TNRC6A: variants seen among roughly 807,000 people sequenced by gnomAD.
TNRC6A encodes the protein trinucleotide repeat containing adaptor 6A, also known as trinucleotide repeat-containing gene 6A protein.
In TNRC6A, 44 loss-of-function variants were observed where a neutral mutation model predicts 221.2. The observed-to-expected ratio is 0.20, with a 90% CI of 0.16 to 0.26. TNRC6A has a LOEUF of 0.26. TNRC6A is among the 10% of genes least tolerant of loss of function. The pLI is 1.00. For missense variants in TNRC6A, 2,199 were observed against 2,404.4 expected (o/e 0.91, Z 1.79); for synonymous variants, 847 against 838.5 (o/e 1.01, Z -0.18).
intron 5 of TNRC6A, among the ~76,000 whole-genome samples, chr16:24,786,970 G>A (rs6497756): frequency 1.3e-5 from 2 of 151,922 alleles, no homozygotes; most frequent in Non-Finnish European, 1.5e-5. Flanking sequence ...CATAAGCCAC[G>A]GCGCCCGGCC....
At chr16:24,631,040 C>T (rs1162023003) in intron 1 of TNRC6A, among the ~76,000 whole-genome samples, 2 of 151,824 alleles carry the variant, frequency 1.3e-5, no homozygotes, top group Admixed American at 6.6e-5. Context: ...AAAAAGGGAC[C>T]AGCCCTCCCT....
At position 24,824,979 on chromosome 16, in the gene TNRC6A, A is replaced by G. The variant is rs1292606364; in HGVS notation, c.*1172A>G. ...AGTGATGATGGTTTGCTAATAATCA[A>G]TAGGTAATAATTTTTTGTAATCCCA... On this transcript the variant is annotated 3_prime_UTR_variant, in exon 25 of 25. Coordinates refer to ENST00000395799, the MANE Select transcript of TNRC6A (RefSeq NM_014494.4). 6.6e-6 allele frequency: 1 copy of G among 152,628 alleles called. No individual in the cohort carries two copies. The highest frequency in any genetic ancestry group is 1.9e-4 in the East Asian group (1 of 5,200). The allele number at this position is 152,628 out of a possible 1,614,324, so 9.5% of individuals were successfully genotyped here. A position where few individuals can be genotyped will look rare whatever the true frequency, so the allele number is the denominator to read the frequency against.
chr16:24,734,998 C>T (rs1235757983), intron 2 of TNRC6A, among the ~76,000 whole-genome samples: 1 of 152,168 alleles, frequency 6.6e-6, no homozygotes, highest in African/African-American at 2.4e-5. Flanking sequence ...ATGACTAGGA[C>T]TGGCCAGGTG....
In TNRC6A at chr16:24,714,302, C is replaced by CTTTTT. The variant is rs60469088; in HGVS notation, n.403-36404_403-36400dup. Among the ~76,000 whole-genome samples, 118 of 71,300 alleles carry CTTTTT rather than the reference C, an allele frequency of 1.7e-3. 4 individuals are homozygous for CTTTTT. The highest frequency in any genetic ancestry group is 2.2e-3 in the East Asian group (4 of 1,816). 46.8% of individuals were successfully genotyped at this position (71,300 alleles called of 152,430 possible). ...CTGCAGTGCCTGATTTGCTGTTAATCTTTTTTTTTTTTTTTTTTTTTTTTG... is the reference window on the plus strand; with the variant it reads ...CTGCAGTGCCTGATTTGCTGTTAATCTTTTTTTTTTTTTTTTTTTTTTTTTTTTTG... On this transcript the variant is annotated intron_variant and non_coding_transcript_variant, in intron 2 of 2. Coordinates refer to the TNRC6A transcript ENST00000566108.
rs866115671 is a variant in TNRC6A, at chr16:24,822,942, C to T, written c.5442C>T (p.Leu1814=). Residue 1814 remains leucine (L), a synonymous_variant, in exon 24 of 25, where the codon CTC becomes CTT. Transcript: ENST00000395799. ...HGPLITFHLN[L]PHGNALVRYS... ...CGCTGATCACATTCCACCTGAACCT[C>T]CCTCACGGAAATGCTCTGGTCCGCT... The T allele has an allele frequency of 6.2e-7, 1 of 1,614,242 alleles. No individual in the cohort carries two copies. The highest frequency in any genetic ancestry group is 1.7e-4 in the Middle Eastern group (1 of 6,056).
chr16:24,639,797 C>A (rs946692880), intron 1 of TNRC6A, among the ~76,000 whole-genome samples: 3 of 152,110 alleles, frequency 2.0e-5, no homozygotes, highest in Non-Finnish European at 2.9e-5. Flanking sequence ...CAGACATGCA[C>A]CACCACATTT....
chr16:24,683,386 C>T (rs116701071), intron 2 of TNRC6A, among the ~76,000 whole-genome samples: 1,969 of 152,148 alleles, frequency 0.013, 48 homozygotes, highest in African/African-American at 0.043. Context: ...TTTGTAGAGA[C>T]GGAGTCTTGC....
intron 2 of TNRC6A, among the ~76,000 whole-genome samples, chr16:24,681,289 G>A (rs1289095568): frequency 6.6e-6 from 1 of 152,060 alleles, no homozygotes; most frequent in Non-Finnish European, 1.5e-5. Flanking sequence ...GAGCAGTGGC[G>A]TGATCTCGGC....
chr16:24,823,030 G>A lies in TNRC6A; in HGVS notation c.5513+17G>A, dbSNP rs2058798057. On this transcript the variant is annotated intron_variant, in intron 24 of 24. Coordinates refer to ENST00000395799, the MANE Select transcript of TNRC6A (RefSeq NM_014494.4). This position sits in a 1 kb window ranked among gnomAD's most constrained non-coding sequence, Gnocchi z 4.3. ...TCTGCACATGTAAGTTGGCTGTTGG[G>A]CTCCCAGTTGGAAGAGTCTAGGGGA... 1.2e-6 allele frequency: 2 copies of A among 1,614,032 alleles called. No homozygotes were observed. Among genetic ancestry groups the A allele is most frequent in the South Asian group, 2.2e-5 (2 of 91,082 alleles).
chr16:24,811,705 T>G (rs1341765881), intron 18 of TNRC6A, among the ~76,000 whole-genome samples: 9 of 151,630 alleles, frequency 5.9e-5, no homozygotes, highest in Admixed American at 1.3e-4. Flanking sequence ...AGAATTGGAG[T>G]AGATCTAGTA....
chr16:24,731,245 T>G (rs1190778093), intron 2 of TNRC6A, among the ~76,000 whole-genome samples: 1 of 152,176 alleles, frequency 6.6e-6, no homozygotes, highest in East Asian at 1.9e-4. Flanking sequence ...ATTTCTCCTA[T>G]CTCAGGTTTT....
chr16:24,791,341 A>C lies in TNRC6A; in HGVS notation c.2699A>C (p.Asn900Thr), dbSNP rs1339371097. The change falls in exon 6 of 25, where the codon AAC (asparagine) becomes ACC (threonine). Residue 900 changes from asparagine to threonine, a missense_variant. Physicochemically the swap from Asn to Thr is moderately conservative, Grantham distance 65. Coordinates refer to ENST00000395799, the MANE Select transcript of TNRC6A (RefSeq NM_014494.4). Reference protein sequence around the residue: ...LGKTSSFTWGNNINPNNSSGW... With the variant: ...LGKTSSFTWGTNINPNNSSGW... ...AAAACTAGTTCTTTCACTTGGGGAA[A>C]CAACATAAATCCAAATAATTCATCA... 1 of 1,602,998 alleles carries C rather than the reference A, an allele frequency of 6.2e-7. No individual in the cohort carries two copies. Among genetic ancestry groups the C allele is most frequent in the Admixed American group, 1.7e-5 (1 of 59,136 alleles).
chr16:24,669,412 C>T (rs2055242968), intron 2 of TNRC6A, among the ~76,000 whole-genome samples: 1 of 151,974 alleles, frequency 6.6e-6, no homozygotes, highest in African/African-American at 2.4e-5. Flanking sequence ...TCACTTGAGC[C>T]CAGGAGGCAG....
chr16:24,789,543 A>G lies in TNRC6A; in HGVS notation c.901A>G (p.Ser301Gly), dbSNP rs1268868783. ...SQNKFVVGSS[S>G]NNVGHGSSTG... ...AAACAAGTTTGTAGTTGGTAGCAGC[A>G]GCAATAATGTGGGCCATGGAAGTAG... The change falls in exon 6 of 25, where the codon AGC becomes GGC. Residue 301 changes from serine to glycine, a missense_variant. By Grantham distance (56) the Ser-to-Gly change is moderately conservative (BLOSUM62 0). Around this residue, in one of 8 missense-constraint regions of TNRC6A, gnomAD observed 1,405 missense variants for 1,400.2 expected, o/e 1.00. Coordinates refer to ENST00000395799, the MANE Select transcript of TNRC6A (RefSeq NM_014494.4). 1.2e-6 allele frequency: 2 copies of G among 1,614,184 alleles called. No homozygotes were observed.
At chr16:24,814,412 T>TTTTTC (rs1402923788) in intron 18 of TNRC6A, among the ~76,000 whole-genome samples, 4 of 141,070 alleles carry the variant, frequency 2.8e-5, no homozygotes, top group Non-Finnish European at 4.6e-5. Flanking sequence ...TTTTTTTCTT[T>TTTTTC]TTTTTTTTTT....
intron 4 of TNRC6A, among the ~76,000 whole-genome samples, chr16:24,771,582 T>TTATGTTATGTTGTTA: frequency 6.9e-4 from 66 of 95,514 alleles, no homozygotes; most frequent in Admixed American, 1.8e-3. Context: ...TTATGTTATG[T>TTATGTTATGTTGTTA]TGTTATGTTA....
intron 5 of TNRC6A, among the ~76,000 whole-genome samples, chr16:24,787,544 A>G (rs2058001007): frequency 1.3e-5 from 2 of 152,326 alleles, no homozygotes; most frequent in Admixed American, 6.5e-5. Flanking sequence ...CTTACACCCA[A>G]TGAGACTGAC....
rs60829899 is a variant in TNRC6A at position 24,777,108 on chromosome 16, A to G, written c.339A>G (p.Pro113=). The G allele has an allele frequency of 2.6e-4, 284 of 1,088,254 alleles. 2 individuals are homozygous for G. The highest frequency in any genetic ancestry group is 1.0e-3 in the Middle Eastern group (4 of 3,956). The allele number at this position is 1,088,254 out of a possible 1,614,324, so 67.4% of individuals were successfully genotyped here. ...AGCAGCAGCAGCCACAGCAGCAGCCACAGCCGCAGCCGCAGCAGCAGCAGC... is the reference window on the plus strand; with the variant it reads ...AGCAGCAGCAGCCACAGCAGCAGCCGCAGCCGCAGCCGCAGCAGCAGCAGC... ...QPQQQQPQQQ[P]QPQPQQQQPQ... The change falls in exon 5 of 25, where the codon CCA becomes CCG. Residue 113 remains proline (P), a synonymous_variant. Coordinates refer to ENST00000395799, the MANE Select transcript of TNRC6A (RefSeq NM_014494.4).
chr16:24,685,234 T>A (rs996402102), intron 2 of TNRC6A, among the ~76,000 whole-genome samples: 2 of 152,108 alleles, frequency 1.3e-5, no homozygotes, highest in Non-Finnish European at 2.9e-5. Context: ...GTACAGGAAA[T>A]TTAACCTCAC....
Sources: allele counts gnomAD v4.1 joint callset (sites outside exome capture counted in the v4.1 genomes callset), GRCh38; gene constraint gnomAD v4.1.1; regional missense constraint gnomAD v4.1.1; non-coding constraint Gnocchi (gnomAD v3.1); transcripts MANE v1.5; gene names NCBI Gene and HGNC (gene_info 2026-07-23, HGNC 2026-07-21).